BIN3: variants seen among roughly 807,000 people sequenced by gnomAD.
BIN3 encodes bridging integrator 3.
In BIN3, 41 loss-of-function variants were observed where a neutral mutation model predicts 38.2. The ratio of observed to expected loss-of-function variants is 1.07; its 90% CI spans 0.84 to 1.39. The LOEUF is 1.39. Among genes scored for constraint, BIN3 ranks in the 40% most tolerant of loss-of-function variants. BIN3 has a pLI of 0.00. For synonymous variants in BIN3, 145 were observed against 122.6 expected (o/e 1.18, Z -1.21); for missense variants, 361 against 324.3 (o/e 1.11, Z -0.87).
chr8:22,663,911 G>C (rs1803325998), intron 1 of BIN3, among the ~76,000 whole-genome samples: 1 of 152,196 alleles, frequency 6.6e-6, no homozygotes, highest in Non-Finnish European at 1.5e-5. Flanking sequence ...CTGACATTTA[G>C]TGATCGGCTG....
At position 22,629,678 on chromosome 8, in the gene BIN3, G is replaced by A. The variant is rs1802119149; in HGVS notation, c.338+286C>T. ...TGGCCCCAGTGGCTCTCAATCAGGA[G>A]GAAGCGGTCAAATGACCACCAGAAC... is the stretch of plus-strand genomic sequence containing the variant. On this transcript the variant is annotated intron_variant, in intron 6 of 8. Transcript: ENST00000276416. 5 of 536,340 alleles carry A rather than the reference G, an allele frequency of 9.3e-6. No individual in the cohort carries two copies. The South Asian group carries it at 1.2e-4, about 13-fold the overall frequency. 33.2% of individuals were successfully genotyped at this position (536,340 alleles called of 1,614,324 possible). A position where few individuals can be genotyped will look rare whatever the true frequency, so the allele number is the denominator to read the frequency against.
chr8:22,625,240 C>T (rs1281304919), intron 6 of BIN3: 14 of 696,390 alleles, frequency 2.0e-5, no homozygotes, highest in Non-Finnish European at 3.1e-5. Context: ...GAGCAGTGCT[C>T]TCCTGAGGCT....
chr8:22,652,712 T>C (rs1802942552), intron 1 of BIN3, among the ~76,000 whole-genome samples: 1 of 152,200 alleles, frequency 6.6e-6, no homozygotes, highest in Non-Finnish European at 1.5e-5. Flanking sequence ...AAAGTGAATA[T>C]TTAGGCAGAG....
At chr8:22,638,584 G>A (rs745907611) in intron 2 of BIN3, among the ~76,000 whole-genome samples, 11 of 152,182 alleles carry the variant, frequency 7.2e-5, no homozygotes, top group Non-Finnish European at 1.5e-4. Flanking sequence ...ACTATGATGG[G>A]CCTTTTGGAC....
chr8:22,636,488 C>G, intron 4 of BIN3, 37 bp downstream of exon 4: 1 of 1,549,906 alleles, frequency 6.5e-7, no homozygotes, highest in Non-Finnish European at 8.7e-7. Context: ...TCTGCCCCAC[C>G]TGCTCAAGCG....
chr8:22,642,414 G>A lies in BIN3; in HGVS notation c.57+2341C>T, dbSNP rs190595775. ...TACTTCAGTGCCTCTGGGGAGTGGA[G>A]GGGTATAGGCCAGGGAAGCAAATAA... On this transcript the variant is annotated intron_variant, in intron 2 of 8. Transcript: ENST00000276416. Among the ~76,000 whole-genome samples the A allele has an allele frequency of 2.3e-3, 354 of 152,360 alleles. 3 individuals are homozygous for A. Among genetic ancestry groups the A allele is most frequent in the Admixed American group, 0.012 (178 of 15,314 alleles).
intron 6 of BIN3, chr8:22,625,133 AGAG>A: frequency 1.8e-6 from 1 of 570,712 alleles, no homozygotes; most frequent in Non-Finnish European, 3.1e-6. Flanking sequence ...TGGGAGACTC[AGAG>A]GAGTGGCCCT....
At position 22,669,033 on chromosome 8, in the gene BIN3, G is replaced by C. The variant is rs1803522347; in HGVS notation, c.8+11C>G. The C allele has an allele frequency of 1.3e-6, 2 of 1,583,514 alleles. No homozygotes were observed. Among genetic ancestry groups the C allele is most frequent in the South Asian group, 2.3e-5 (2 of 86,632 alleles). On this transcript the variant is annotated intron_variant, in intron 1 of 8. Coordinates refer to ENST00000276416, the MANE Select transcript of BIN3 (RefSeq NM_018688.6). ...GGGTCCAGCAGCTCCCGCCGCCTGG[G>C]CCTCACTCACCAGCTCATGGTCCCG...
chr8:22,629,707 G>A (rs764820134), intron 6 of BIN3: 27 of 572,518 alleles, frequency 4.7e-5, no homozygotes, highest in Non-Finnish European at 7.5e-5. Context: ...CCAGAACAGC[G>A]GCGGTTGCTG....
rs556488541 is a variant in BIN3 at position 22,622,295 on chromosome 8, C to T, written c.616-727G>A. On this transcript the variant is annotated intron_variant, in intron 8 of 8. Transcript: ENST00000276416. ...TGACCCAATGAAAGCATGCAGTTTC[C>T]TGAAAGCTTCCACGTTTCACTCTAG... Among the ~76,000 whole-genome samples the T allele has an allele frequency of 3.9e-5, 6 of 152,370 alleles. No individual in the cohort carries two copies. In the South Asian group the frequency reaches 1.2e-3, roughly 32 times the overall value.
In BIN3 at chr8:22,633,433, G is replaced by A. The variant is rs1473462643; in HGVS notation, c.161-2855C>T. Among the ~76,000 whole-genome samples, 3 of 152,234 alleles carry A rather than the reference G, an allele frequency of 2.0e-5. No homozygotes were observed. The East Asian group carries it at 5.8e-4, about 29-fold the overall frequency. On this transcript the variant is annotated intron_variant, in intron 4 of 8. Transcript: ENST00000276416. ...CAGTCAGCCTGGCCCACACCAGGAG[G>A]CTGGTGATCTTTGAACCTTAGAGAA...
In BIN3 at chr8:22,664,969, C is replaced by T. The variant is rs143414514; in HGVS notation, c.8+4075G>A. ...TCATTTAACAATTACCTGTTAGATACCCACTATGTGCATGATACCCACTAT... is the reference window on the plus strand; with the variant it reads ...TCATTTAACAATTACCTGTTAGATATCCACTATGTGCATGATACCCACTAT... On this transcript the variant is annotated intron_variant, in intron 1 of 8. Coordinates refer to ENST00000276416, the MANE Select transcript of BIN3 (RefSeq NM_018688.6). Among the ~76,000 whole-genome samples, 32 of 152,338 alleles carry T rather than the reference C, an allele frequency of 2.1e-4. No individual in the cohort carries two copies. In the East Asian group the frequency reaches 5.6e-3, roughly 27 times the overall value.
At chr8:22,624,438 G>T in intron 6 of BIN3, 75 bp from the exon 7 acceptor site, 1 of 1,551,042 alleles carries the variant, frequency 6.4e-7, no homozygotes, top group Non-Finnish European at 8.7e-7. Flanking sequence ...TGCTCTTGGA[G>T]GGGTGGCCTG....
intron 4 of BIN3, among the ~76,000 whole-genome samples, chr8:22,631,760 TCCTC>T (rs1162814584): frequency 6.6e-6 from 1 of 152,118 alleles, no homozygotes; most frequent in African/African-American, 2.4e-5. Context: ...CCCTCTGTGC[TCCTC>T]CCTCCTGTGT....
intron 2 of BIN3, chr8:22,644,498 C>T (rs1585193460): frequency 2.1e-6 from 1 of 466,374 alleles, no homozygotes; most frequent in Non-Finnish European, 4.0e-6. Flanking sequence ...TCTTCCTCTA[C>T]ATTTTTGTAA....
rs553521072 is a variant in BIN3, at chr8:22,628,985, G to A, written c.338+979C>T. Among the ~76,000 whole-genome samples, 5 of 152,358 alleles carry A rather than the reference G, an allele frequency of 3.3e-5. No individual in the cohort carries two copies. The East Asian group carries it at 9.6e-4, about 29-fold the overall frequency. Reference sequence around the variant, plus strand: ...CTGGGGGGCCAGGGCCGGAGCCGGAGGCACAGTCCCTTCCCTCCCTGCCTT... The same window carrying A: ...CTGGGGGGCCAGGGCCGGAGCCGGAAGCACAGTCCCTTCCCTCCCTGCCTT... On this transcript the variant is annotated intron_variant, in intron 6 of 8. Transcript: ENST00000276416.
rs956741238 is a variant in BIN3, at chr8:22,620,852, C to T, written c.*570G>A. 2.0e-5 allele frequency: 3 copies of T among 152,386 alleles called. No individual in the cohort carries two copies. The highest frequency in any genetic ancestry group is 6.5e-5 in the Admixed American group (1 of 15,290). The allele number at this position is 152,386 out of a possible 1,614,324, so 9.4% of individuals were successfully genotyped here. On this transcript the variant is annotated 3_prime_UTR_variant, in exon 9 of 9. Transcript: ENST00000276416. Reference sequence around the variant, plus strand: ...CAGCTTGCGTTCCCGAGGTACCAGTCCTCAGTGACCTCGGGAACCCCAACC... The same window carrying T: ...CAGCTTGCGTTCCCGAGGTACCAGTTCTCAGTGACCTCGGGAACCCCAACC...
At chr8:22,642,526 T>C (rs886531850) in intron 2 of BIN3, among the ~76,000 whole-genome samples, 9 of 152,242 alleles carry the variant, frequency 5.9e-5, no homozygotes, top group African/African-American at 2.2e-4. Flanking sequence ...TCTAGCTGCC[T>C]GGGACAGGCT....
chr8:22,658,121 G>A (rs958536450), intron 1 of BIN3, among the ~76,000 whole-genome samples: 8 of 152,230 alleles, frequency 5.3e-5, no homozygotes, highest in African/African-American at 1.9e-4. Flanking sequence ...TCTGCCTCTG[G>A]AGTAGGAGTC....
Sources: allele counts gnomAD v4.1 joint callset (sites outside exome capture counted in the v4.1 genomes callset), GRCh38; gene constraint gnomAD v4.1.1; transcripts MANE v1.5; gene names NCBI Gene and HGNC (gene_info 2026-07-23, HGNC 2026-07-21).